Variants in TNC observed in about 807,000 individuals in gnomAD.
The protein encoded by TNC is tenascin.
Under a neutral mutation model 202.4 loss-of-function variants are expected in TNC, and 109 were observed. That is an observed-to-expected ratio of 0.54 (90% confidence interval 0.46 to 0.63). The LOEUF (loss-of-function observed/expected upper bound fraction) is 0.63, where lower values mean the gene tolerates loss of function less well. Ranked by LOEUF, TNC falls within the 30% of genes least tolerant of loss-of-function variation. The pLI, the probability that TNC is intolerant of heterozygous loss-of-function variation, is 0.00. For missense variants in TNC, 2,756 were observed against 2,833.3 expected (o/e 0.97, Z 0.62); for synonymous variants, 1,007 against 1,089.7 (o/e 0.92, Z 1.50).
chr9:115,035,407 G>C, intron 21 of TNC, 73 bp from the exon 22 acceptor site: 1 of 1,517,642 alleles, frequency 6.6e-7, no homozygotes, highest in African/African-American at 1.4e-5. Flanking sequence ...TGGGTATCAA[G>C]AAGACTGGGT....
At chr9:115,075,312 G>C (rs1833761103) in intron 9 of TNC, among the ~76,000 whole-genome samples, 1 of 152,112 alleles carries the variant, frequency 6.6e-6, no homozygotes, top group Non-Finnish European at 1.5e-5. Context: ...GCAGGGCCTG[G>C]ACTTAAACTA....
intron 1 of TNC, among the ~76,000 whole-genome samples, chr9:115,094,615 A>T (rs1835477044): frequency 6.6e-6 from 1 of 152,190 alleles, no homozygotes; most frequent in African/African-American, 2.4e-5. Context: ...TTTAGAAAAC[A>T]CAGATTCTAA....
rs1190620117 is a variant in TNC at position 115,085,992 on chromosome 9, C to T, written c.1739G>A (p.Cys580Tyr). ...QGRCVDGQCI[C>Y]HEGFTGLDCG... ...GTCCAGGCCTGTGAAGCCCTCGTGGCAGATGCACTGGCCGTCCACGCAGCG... is the reference window on the plus strand; with the variant it reads ...GTCCAGGCCTGTGAAGCCCTCGTGGTAGATGCACTGGCCGTCCACGCAGCG... Residue 580 changes from cysteine (C) to tyrosine (Y), a missense_variant, in exon 3 of 28, where the codon TGC becomes TAC. This residue lies in a region of TNC where 2,559 missense variants were observed against 2,546.0 expected (regional missense o/e 1.01). Transcript: ENST00000350763. 2 of 1,613,938 alleles carry T rather than the reference C, an allele frequency of 1.2e-6. No individual in the cohort carries two copies. The highest frequency in any genetic ancestry group is 2.2e-5 in the South Asian group (2 of 91,026).
intron 26 of TNC, among the ~76,000 whole-genome samples, chr9:115,025,917 G>C (rs979536287): frequency 2.0e-5 from 3 of 152,208 alleles, no homozygotes; most frequent in African/African-American, 7.2e-5. Context: ...CCACTTGAGA[G>C]GTGAGACCTT....
At chr9:115,109,490 C>T (rs985266363) in intron 1 of TNC, among the ~76,000 whole-genome samples, 3 of 152,198 alleles carry the variant, frequency 2.0e-5, no homozygotes, top group African/African-American at 7.2e-5. Context: ...TTCTTGTGGG[C>T]TGTGAGCTTC....
chr9:115,107,251 T>C (rs1233726890), intron 1 of TNC, among the ~76,000 whole-genome samples: 1 of 152,176 alleles, frequency 6.6e-6, no homozygotes, highest in East Asian at 1.9e-4. Context: ...GTTAGATGAT[T>C]TCAGTCACAA....
At chr9:115,107,720 C>T (rs1017670971) in intron 1 of TNC, among the ~76,000 whole-genome samples, 1 of 152,160 alleles carries the variant, frequency 6.6e-6, no homozygotes, top group Non-Finnish European at 1.5e-5. Flanking sequence ...CTACACTGGG[C>T]TGACTCCTAA....
chr9:115,062,661 A>G (rs117057497), intron 13 of TNC, among the ~76,000 whole-genome samples: 2,624 of 151,650 alleles, frequency 0.017, 127 homozygotes, highest in East Asian at 0.11. Flanking sequence ...ATATATATAT[A>G]TACACACACA....
At chr9:115,038,013 C>T (rs1406801195) in intron 20 of TNC, among the ~76,000 whole-genome samples, 1 of 152,170 alleles carries the variant, frequency 6.6e-6, no homozygotes, top group African/African-American at 2.4e-5. Flanking sequence ...GAGATACTAA[C>T]AGGAGAGGAG....
intron 15 of TNC, among the ~76,000 whole-genome samples, chr9:115,056,598 T>C (rs1238684366): frequency 6.6e-6 from 1 of 152,198 alleles, no homozygotes; most frequent in African/African-American, 2.4e-5. Context: ...GTGTTGGAAC[T>C]GGGGTGGTCT....
chr9:115,096,417 A>T (rs540217981), intron 1 of TNC, among the ~76,000 whole-genome samples: 58 of 152,342 alleles, frequency 3.8e-4, no homozygotes, highest in African/African-American at 1.3e-3. Flanking sequence ...ACAATATGAG[A>T]CAGTGCAGAT....
intron 1 of TNC, among the ~76,000 whole-genome samples, chr9:115,101,995 G>C (rs1836274107): frequency 6.6e-6 from 1 of 152,118 alleles, no homozygotes; most frequent in Admixed American, 6.5e-5. Flanking sequence ...ATTAAGTGTT[G>C]ATTTTGCCAG....
At chr9:115,098,855 C>A (rs1015557476) in intron 1 of TNC, among the ~76,000 whole-genome samples, 3 of 151,934 alleles carry the variant, frequency 2.0e-5, no homozygotes, top group African/African-American at 7.3e-5. Flanking sequence ...AATTCCTCAC[C>A]CTTTGTCCTT....
At chr9:115,111,569 A>G (rs1055890218) in intron 1 of TNC, among the ~76,000 whole-genome samples, 4 of 151,420 alleles carry the variant, frequency 2.6e-5, no homozygotes, top group Admixed American at 2.6e-4. Context: ...CCACCATGCC[A>G]GGCTAATTTT....
At chr9:115,040,288 A>T (rs1231267755) in intron 19 of TNC, among the ~76,000 whole-genome samples, 2 of 152,188 alleles carry the variant, frequency 1.3e-5, no homozygotes, top group East Asian at 3.9e-4. Flanking sequence ...TCTCCTCTGT[A>T]AAATGGGGAT....
chr9:115,060,125 G>T (rs1438709839), intron 13 of TNC, 123 bp from the exon 14 acceptor site: 10 of 1,125,524 alleles, frequency 8.9e-6, no homozygotes, highest in Admixed American at 5.8e-5. Context: ...TTAATTCTTG[G>T]TCTCTGAGCA....
chr9:115,046,865 G>A (rs1219314134), intron 16 of TNC, among the ~76,000 whole-genome samples, 183 bp from the exon 17 acceptor site: 1 of 152,112 alleles, frequency 6.6e-6, no homozygotes, highest in African/African-American at 2.4e-5. Context: ...TCAGGAGAGG[G>A]GAAAGATGGA....
intron 1 of TNC, among the ~76,000 whole-genome samples, chr9:115,117,394 C>G (rs2134594807): frequency 6.6e-6 from 1 of 152,318 alleles, no homozygotes; most frequent in Admixed American, 6.5e-5. Flanking sequence ...CTCTAGCTGC[C>G]TGTCAGTTAT....
chr9:115,084,665 A>G (rs1351136181), intron 3 of TNC, among the ~76,000 whole-genome samples, 193 bp from the exon 4 acceptor site: 3 of 152,038 alleles, frequency 2.0e-5, no homozygotes, highest in Non-Finnish European at 1.5e-5. Flanking sequence ...TCCTTAGTCC[A>G]TTTCCTTCAG....
Sources: allele counts gnomAD v4.1 joint callset (sites outside exome capture counted in the v4.1 genomes callset), GRCh38; gene constraint gnomAD v4.1.1; regional missense constraint gnomAD v4.1.1; transcripts MANE v1.5; gene names NCBI Gene and HGNC (gene_info 2026-07-23, HGNC 2026-07-21).